Variants in PTK2 observed in about 807,000 individuals in gnomAD.
The protein encoded by PTK2 is protein tyrosine kinase 2.
PTK2 carries 45 observed loss-of-function variants against 150.1 expected under a neutral mutation model. The ratio of observed to expected loss-of-function variants is 0.30; its 90% confidence interval spans 0.24 to 0.38. The LOEUF (loss-of-function observed/expected upper bound fraction) is 0.38, where lower values mean the gene tolerates loss of function less well. Among genes scored for constraint, PTK2 ranks in the 10% least tolerant of loss-of-function variants. The probability of loss-of-function intolerance (pLI) is 1.00; values close to 1 mark genes in which losing one functional copy is unlikely to be tolerated. For synonymous variants in PTK2, 432 were observed against 449.2 expected, an observed-to-expected ratio of 0.96 and a Z score of 0.48; for missense variants, 919 against 1,307.3, an observed-to-expected ratio of 0.70 and a Z score of 4.58.
intron 16 of PTK2, among the ~76,000 whole-genome samples, chr8:140,759,551 A>AAAAG (rs1285398990): frequency 1.1e-4 from 16 of 150,558 alleles, no homozygotes; most frequent in African/African-American, 3.2e-4. Context: ...AAAAAAAAAA[A>AAAAG]AAAGAAAGAA....
intron 11 of PTK2, among the ~76,000 whole-genome samples, chr8:140,802,428 T>C (rs1369704660): frequency 6.6e-6 from 1 of 152,196 alleles, no homozygotes; most frequent in Non-Finnish European, 1.5e-5. Context: ...TTAATTGTTA[T>C]TACAAGAGTC....
intron 16 of PTK2, among the ~76,000 whole-genome samples, chr8:140,760,961 G>A (rs2154546971): frequency 6.6e-6 from 1 of 152,256 alleles, no homozygotes; most frequent in Non-Finnish European, 1.5e-5. Flanking sequence ...ATAAAAGACA[G>A]GCCCAGCCTT....
chr8:140,929,799 G>C (rs967831478), intron 1 of PTK2, among the ~76,000 whole-genome samples: 3 of 151,280 alleles, frequency 2.0e-5, no homozygotes, highest in African/African-American at 4.9e-5. Context: ...GTTTCTCGTC[G>C]GTTAAATAAA....
chr8:140,700,762 C>A, intron 26 of PTK2, 129 bp downstream of exon 29: 3 of 1,295,604 alleles, frequency 2.3e-6, no homozygotes, highest in Non-Finnish European at 3.1e-6. Context: ...CTGGCCTATT[C>A]CAAGTTTTAA....
chr8:140,872,046 A>G (rs899126507), intron 4 of PTK2, among the ~76,000 whole-genome samples: 131 of 152,174 alleles, frequency 8.6e-4, no homozygotes, highest in African/African-American at 2.3e-3. Context: ...GTCTCTACTA[A>G]AATACAAAAA....
At chr8:140,961,502 A>T (rs566174934) in intron 1 of PTK2, among the ~76,000 whole-genome samples, 1 of 152,188 alleles carries the variant, frequency 6.6e-6, no homozygotes, top group Non-Finnish European at 1.5e-5. Context: ...TCTACTAAAA[A>T]TACAAAAAAA....
intron 3 of PTK2, among the ~76,000 whole-genome samples, chr8:140,886,995 C>G (rs901384304): frequency 6.6e-6 from 1 of 152,196 alleles, no homozygotes; most frequent in African/African-American, 2.4e-5. Context: ...TGACCCCACA[C>G]TTATCTCTAG....
intron 26 of PTK2, among the ~76,000 whole-genome samples, chr8:140,700,487 GTT>G (rs199884182): frequency 2.9e-5 from 4 of 140,342 alleles, no homozygotes; most frequent in Admixed American, 7.2e-5. Context: ...ATTTCAAGTA[GTT>G]TTTTTTTTTT....
chr8:140,856,755 T>C (rs540142666), intron 5 of PTK2, among the ~76,000 whole-genome samples: 1 of 152,312 alleles, frequency 6.6e-6, no homozygotes, highest in East Asian at 1.9e-4. Flanking sequence ...ATACTTAATA[T>C]TTATATATTT....
At chr8:140,804,411 C>A (rs2100097103) in intron 10 of PTK2, among the ~76,000 whole-genome samples, 1 of 151,382 alleles carries the variant, frequency 6.6e-6, no homozygotes, top group African/African-American at 2.4e-5. Flanking sequence ...CATAGTGAGA[C>A]CCTTTCTCTA....
chr8:140,927,147 G>GT (rs1228611800), intron 1 of PTK2, among the ~76,000 whole-genome samples: 4 of 152,010 alleles, frequency 2.6e-5, no homozygotes, highest in Non-Finnish European at 4.4e-5. Flanking sequence ...ATAAAACAGA[G>GT]TTTTTTTTAT....
At chr8:140,884,318 A>G (rs1323302521) in intron 3 of PTK2, among the ~76,000 whole-genome samples, 3 of 151,964 alleles carry the variant, frequency 2.0e-5, no homozygotes, top group Admixed American at 2.0e-4. Context: ...CATGGCTTTT[A>G]TGCTTTTTCT....
At chr8:140,782,832 T>G (rs2100082621) in intron 14 of PTK2, among the ~76,000 whole-genome samples, 1 of 152,096 alleles carries the variant, frequency 6.6e-6, no homozygotes, top group Non-Finnish European at 1.5e-5. Flanking sequence ...TGGAACTGAG[T>G]CAGCACTATC....
intron 27 of PTK2, among the ~76,000 whole-genome samples, chr8:140,681,093 G>C (rs552682875): frequency 6.6e-6 from 1 of 152,182 alleles, no homozygotes. Flanking sequence ...AGCTGGGCGC[G>C]GTTGCTCACG....
intron 23 of PTK2, among the ~76,000 whole-genome samples, chr8:140,714,642 C>G (rs900936629): frequency 6.6e-6 from 1 of 151,154 alleles, no homozygotes; most frequent in Non-Finnish European, 1.5e-5. Flanking sequence ...ACTAAAAATA[C>G]AAAAATTAGC....
intron 8 of PTK2, among the ~76,000 whole-genome samples, chr8:140,825,066 T>A (rs188551431): frequency 2.0e-5 from 3 of 152,298 alleles, no homozygotes; most frequent in East Asian, 3.9e-4. Context: ...ATGCAAAGGT[T>A]GTAAGGCAAT....
chr8:140,974,280 T>C lies in PTK2; in HGVS notation c.-122+26845A>G, dbSNP rs112632205. On this transcript the variant is annotated intron_variant, in intron 1 of 31. Coordinates refer to ENST00000522684, the Ensembl canonical transcript of PTK2. Reference sequence around the variant, plus strand: ...TGTCTTACAACTCACTATTTACACATTTCTAATCCAACTGAGGAAACTACA... The same window carrying C: ...TGTCTTACAACTCACTATTTACACACTTCTAATCCAACTGAGGAAACTACA... 6.6e-5 allele frequency among the ~76,000 whole-genome samples: 10 copies of C among 152,300 alleles called. 2 individuals carry two copies. The highest frequency in any genetic ancestry group is 2.4e-4 in the African/African-American group (10 of 41,570).
rs1373958266 is a variant in PTK2, at chr8:140,899,125, A to C, written c.-32-8356T>G. Among the ~76,000 whole-genome samples the C allele has an allele frequency of 2.0e-5, 3 of 152,348 alleles. No homozygotes were observed. The East Asian group carries it at 5.8e-4, about 29-fold the overall frequency. On this transcript the variant is annotated intron_variant, in intron 2 of 31. Coordinates refer to ENST00000522684, the Ensembl canonical transcript of PTK2. Reference sequence around the variant, plus strand: ...TAGACAAAGCAGCTAACATGAAATTACTTAATGTTTAATATGCCCTTTTTC... The same window carrying C: ...TAGACAAAGCAGCTAACATGAAATTCCTTAATGTTTAATATGCCCTTTTTC...
chr8:140,684,026 C>A (rs1438332695), intron 27 of PTK2, among the ~76,000 whole-genome samples: 2 of 152,100 alleles, frequency 1.3e-5, no homozygotes, highest in Non-Finnish European at 2.9e-5. Flanking sequence ...TCAGGCAAAA[C>A]AAAGAAATAA....
Sources: allele counts gnomAD v4.1 joint callset (sites outside exome capture counted in the v4.1 genomes callset), GRCh38; gene constraint gnomAD v4.1.1; transcripts MANE v1.5; gene names NCBI Gene and HGNC (gene_info 2026-07-23, HGNC 2026-07-21).